Variants in PLPP3 observed in about 807,000 individuals in gnomAD.
The protein encoded by PLPP3 is PAP2 beta.
In PLPP3, 6 loss-of-function variants were observed where a neutral mutation model predicts 29.6. That is an observed-to-expected ratio of 0.20 (90% CI 0.11 to 0.40). PLPP3 has a LOEUF of 0.40. Among genes scored for constraint, PLPP3 ranks in the 10% least tolerant of loss-of-function variants. The pLI, the probability that PLPP3 is intolerant of heterozygous loss-of-function variation, is 1.00. For missense variants in PLPP3, 308 were observed against 407.7 expected (o/e 0.76, Z 2.11); for synonymous variants, 152 against 159.7 (o/e 0.95, Z 0.36).
At chr1:56,532,529 A>C (rs1645896674) in intron 2 of PLPP3, among the ~76,000 whole-genome samples, 2 of 152,234 alleles carry the variant, frequency 1.3e-5, no homozygotes, top group Non-Finnish European at 1.5e-5. Flanking sequence ...GAAGCATGAT[A>C]CTGAATAAAC....
In PLPP3 at chr1:56,524,569, A is replaced by G; in HGVS notation, c.298-15T>C. Reference sequence around the variant, plus strand: ...CCCGTGATGATCTAAAAGGAATCCAACAGGGGAATTAGGCAGTATCAAGAT... The same window carrying G: ...CCCGTGATGATCTAAAAGGAATCCAGCAGGGGAATTAGGCAGTATCAAGAT... On this transcript the variant is annotated splice_polypyrimidine_tract_variant and intron_variant, in intron 2 of 5. Coordinates refer to ENST00000371250, the MANE Select transcript of PLPP3 (RefSeq NM_003713.5). The surrounding 1 kb of genome is among the most constrained non-coding windows in gnomAD (Gnocchi z 4.3). 4 of 1,601,322 alleles carry G rather than the reference A, an allele frequency of 2.5e-6. No individual in the cohort carries two copies. The South Asian group carries it at 3.3e-5, about 13-fold the overall frequency.
In PLPP3 at chr1:56,571,196, A is replaced by C. The variant is rs147541344; in HGVS notation, c.139+7682T>G. Among the ~76,000 whole-genome samples the C allele has an allele frequency of 1.0e-3, 156 of 152,276 alleles. 1 individual carries two copies. Among genetic ancestry groups the C allele is most frequent in the Admixed American group, 4.1e-3 (62 of 15,286 alleles). ...ACTGGACAATTACTAACCAACCAAGACCTCTAGTTCCCATTTGTGAACCAA... is the reference window on the plus strand; with the variant it reads ...ACTGGACAATTACTAACCAACCAAGCCCTCTAGTTCCCATTTGTGAACCAA... On this transcript the variant is annotated intron_variant, in intron 1 of 5. Coordinates refer to ENST00000371250, the MANE Select transcript of PLPP3 (RefSeq NM_003713.5).
chr1:56,537,454 C>T (rs1288929772), intron 1 of PLPP3, among the ~76,000 whole-genome samples: 1 of 152,176 alleles, frequency 6.6e-6, no homozygotes, highest in Non-Finnish European at 1.5e-5. Context: ...ACTAATATAG[C>T]CCCAAATCTC....
chr1:56,572,433 C>G (rs946300479), intron 1 of PLPP3, among the ~76,000 whole-genome samples: 1 of 152,134 alleles, frequency 6.6e-6, no homozygotes, highest in South Asian at 2.1e-4. Flanking sequence ...AAACAGACCA[C>G]GTGTCTAAAT....
At chr1:56,537,763 C>T (rs1249754941) in intron 1 of PLPP3, among the ~76,000 whole-genome samples, 1 of 152,224 alleles carries the variant, frequency 6.6e-6, no homozygotes, top group Non-Finnish European at 1.5e-5. Flanking sequence ...TTTTCTTTCA[C>T]TGTTCAAAGA....
At chr1:56,557,011 A>AAG (rs1288738732) in intron 1 of PLPP3, among the ~76,000 whole-genome samples, 652 of 15,840 alleles carry the variant, frequency 0.041, 145 homozygotes, top group Middle Eastern at 0.091. Flanking sequence ...AGAAAGAAAG[A>AAG]GAGAGAGAGA....
intron 1 of PLPP3, among the ~76,000 whole-genome samples, chr1:56,567,433 T>C (rs1646168858): frequency 7.5e-6 from 1 of 134,064 alleles, no homozygotes; most frequent in Non-Finnish European, 1.6e-5. Flanking sequence ...AGTCTCGCTC[T>C]GTCACCCAGG....
chr1:56,556,926 AAGAGAGAG>A (rs777875866), intron 1 of PLPP3, among the ~76,000 whole-genome samples: 90 of 124,478 alleles, frequency 7.2e-4, no homozygotes, highest in African/African-American at 3.0e-3. Context: ...GGGAGAAAGA[AAGAGAGAG>A]AGAGAGAGAG....
intron 2 of PLPP3, among the ~76,000 whole-genome samples, chr1:56,526,593 A>AT (rs1472792714): frequency 3.3e-5 from 5 of 152,046 alleles, no homozygotes; most frequent in African/African-American, 4.8e-5. Context: ...GTCATATGAG[A>AT]TTTTTTATGC....
intron 5 of PLPP3, among the ~76,000 whole-genome samples, chr1:56,502,756 G>A (rs1030255214): frequency 6.6e-6 from 1 of 152,192 alleles, no homozygotes; most frequent in African/African-American, 2.4e-5. Context: ...TTTAAATGCT[G>A]TGTCATATTT....
intron 1 of PLPP3, among the ~76,000 whole-genome samples, chr1:56,543,744 T>C (rs1645984678): frequency 6.6e-6 from 1 of 152,206 alleles, no homozygotes; most frequent in African/African-American, 2.4e-5. Context: ...ACACTTGCTG[T>C]TGGCTGGTGT....
intron 2 of PLPP3, among the ~76,000 whole-genome samples, chr1:56,536,216 T>C (rs1203375190): frequency 6.6e-6 from 1 of 152,222 alleles, no homozygotes; most frequent in East Asian, 1.9e-4. Flanking sequence ...GTGCAATTAT[T>C]TGCTTTCCAC....
chr1:56,509,716 G>C (rs1377498676), intron 5 of PLPP3, among the ~76,000 whole-genome samples: 1 of 151,168 alleles, frequency 6.6e-6, no homozygotes, highest in Non-Finnish European at 1.5e-5. Context: ...GTGGGTGCCT[G>C]TAATCCCAGC....
At chr1:56,512,272 T>C (rs1645746501) in intron 4 of PLPP3, 120 bp from the exon 5 acceptor site, 4 of 959,054 alleles carry the variant, frequency 4.2e-6, no homozygotes, top group Non-Finnish European at 4.4e-6. Flanking sequence ...TTGGGTGGCA[T>C]GTTGTAGATA....
intron 5 of PLPP3, among the ~76,000 whole-genome samples, chr1:56,506,815 C>T (rs530154999): frequency 2.0e-5 from 3 of 151,264 alleles, no homozygotes; most frequent in Admixed American, 6.6e-5. Flanking sequence ...TTTTTTTATT[C>T]GTCTGTCTGT....
intron 1 of PLPP3, among the ~76,000 whole-genome samples, chr1:56,572,396 G>T (rs574703862): frequency 7.0e-4 from 106 of 152,160 alleles, no homozygotes; most frequent in Admixed American, 4.3e-3. Context: ...TGAATGACAG[G>T]AATGACCCAA....
At position 56,524,010 on chromosome 1, in the gene PLPP3, G is replaced by T; in HGVS notation, c.576-130C>A. On this transcript the variant is annotated intron_variant, in intron 3 of 5. Coordinates refer to ENST00000371250, the MANE Select transcript of PLPP3 (RefSeq NM_003713.5). The surrounding 1 kb of genome is among the most constrained non-coding windows in gnomAD (Gnocchi z 4.3). ...AGGCCCTGTTCATTTTTGCATCCTT[G>T]GTAGTGCTTTGGACCCATGCCTGGA... 8.9e-7 allele frequency: 1 copy of T among 1,126,016 alleles called. No homozygotes were observed. The highest frequency in any genetic ancestry group is 1.3e-6 in the Non-Finnish European group (1 of 778,556). 69.8% of individuals were successfully genotyped at this position (1,126,016 alleles called of 1,614,324 possible).
At chr1:56,557,647 G>A (rs1405343609) in intron 1 of PLPP3, among the ~76,000 whole-genome samples, 1 of 152,092 alleles carries the variant, frequency 6.6e-6, no homozygotes, top group Non-Finnish European at 1.5e-5. Context: ...TACTAGAATG[G>A]TTATGTGTAT....
intron 5 of PLPP3, among the ~76,000 whole-genome samples, chr1:56,498,474 T>C (rs1294600194): frequency 6.6e-6 from 1 of 152,118 alleles, no homozygotes; most frequent in Non-Finnish European, 1.5e-5. Context: ...CATTTTCCCT[T>C]ATCTCCCCCA....
Sources: allele counts gnomAD v4.1 joint callset (sites outside exome capture counted in the v4.1 genomes callset), GRCh38; gene constraint gnomAD v4.1.1; non-coding constraint Gnocchi (gnomAD v3.1); transcripts MANE v1.5; gene names NCBI Gene and HGNC (gene_info 2026-07-23, HGNC 2026-07-21).